The following OSBPL8 variants were observed in gnomAD, a reference collection of about 807,000 sequenced individuals.
OSBPL8 encodes oxysterol-binding protein-related protein 8.
OSBPL8 carries 59 observed loss-of-function variants against 125.5 expected under a neutral mutation model. The observed-to-expected ratio is 0.47, with a 90% CI of 0.38 to 0.58. The LOEUF (loss-of-function observed/expected upper bound fraction) is 0.58. Ranked by LOEUF, OSBPL8 falls within the 20% of genes least tolerant of loss-of-function variation. OSBPL8 has a pLI of 0.00. For missense variants in OSBPL8, 758 were observed against 1,047.8 expected, an observed-to-expected ratio of 0.72 and a Z score of 3.82; for synonymous variants, 330 against 338.9, an observed-to-expected ratio of 0.97 and a Z score of 0.29.
At chr12:76,528,388 C>T (rs1020527498) in intron 1 of OSBPL8, among the ~76,000 whole-genome samples, 1 of 150,514 alleles carries the variant, frequency 6.6e-6, no homozygotes, top group African/African-American at 2.4e-5. Context: ...TCATGATTCA[C>T]GAGCCATTTC....
chr12:76,450,392 G>A (rs900701227), intron 4 of OSBPL8, among the ~76,000 whole-genome samples: 12 of 152,000 alleles, frequency 7.9e-5, no homozygotes, highest in Admixed American at 1.3e-4. Context: ...GGGGAGTAGA[G>A]GGAAAGAAAA....
chr12:76,450,115 T>C (rs1873207172), intron 4 of OSBPL8, among the ~76,000 whole-genome samples: 1 of 152,156 alleles, frequency 6.6e-6, no homozygotes, highest in Non-Finnish European at 1.5e-5. Flanking sequence ...CAAAAAGCAG[T>C]TCTTAATCAT....
Position 76,394,735 on chromosome 12 carries a change from T to C in OSBPL8, c.673-6A>G. 6.2e-7 allele frequency: 1 copy of C among 1,601,676 alleles called. No homozygotes were observed. Among genetic ancestry groups the C allele is most frequent in the South Asian group, 1.1e-5 (1 of 89,872 alleles). ...ACCGCTTCACCTTTTGGACCCTTAA[T>C]AACAAAATAAACAAAATAAATGGTA... On this transcript the variant is annotated splice_region_variant and splice_polypyrimidine_tract_variant and intron_variant, in intron 8 of 23. Coordinates refer to ENST00000261183, the MANE Select transcript of OSBPL8 (RefSeq NM_020841.5).
At chr12:76,525,191 TC>T (rs543997804) in intron 1 of OSBPL8, among the ~76,000 whole-genome samples, 4 of 152,162 alleles carry the variant, frequency 2.6e-5, no homozygotes, top group Non-Finnish European at 5.9e-5. Context: ...TTTAAAAATT[TC>T]TCAGAATTAT....
intron 1 of OSBPL8, among the ~76,000 whole-genome samples, chr12:76,542,764 T>C (rs1950681594): frequency 6.6e-6 from 1 of 152,168 alleles, no homozygotes; most frequent in South Asian, 2.1e-4. Flanking sequence ...CCCTAATAGT[T>C]TTCAAGAGAC....
At chr12:76,372,485 C>T (rs1451490243) in intron 18 of OSBPL8, among the ~76,000 whole-genome samples, 1 of 152,232 alleles carries the variant, frequency 6.6e-6, no homozygotes, top group Admixed American at 6.5e-5. Flanking sequence ...CCCACCCAGA[C>T]AGAAATTTCA....
chr12:76,414,156 C>T (rs1020399860), intron 4 of OSBPL8, among the ~76,000 whole-genome samples: 2 of 152,088 alleles, frequency 1.3e-5, no homozygotes, highest in Non-Finnish European at 2.9e-5. Context: ...CACCATTTAT[C>T]GAAAAGAACT....
chr12:76,396,011 A>T (rs1272280405), intron 8 of OSBPL8, among the ~76,000 whole-genome samples: 2 of 150,674 alleles, frequency 1.3e-5, no homozygotes, highest in African/African-American at 4.9e-5. Context: ...ATATATATAC[A>T]TATATGTGTG....
chr12:76,394,893 A>G (rs1245368600), intron 8 of OSBPL8, among the ~76,000 whole-genome samples, 164 bp from the exon 9 acceptor site: 3 of 152,194 alleles, frequency 2.0e-5, no homozygotes, highest in Non-Finnish European at 4.4e-5. Context: ...AATGTTAAGT[A>G]TTAAGAAAAA....
chr12:76,446,260 A>AGGT (rs1319064040), intron 4 of OSBPL8, among the ~76,000 whole-genome samples: 5 of 152,300 alleles, frequency 3.3e-5, no homozygotes, highest in African/African-American at 1.2e-4. Flanking sequence ...GATACATCAG[A>AGGT]GGTTTTCTGG....
At chr12:76,358,104 A>C (rs970782760) in intron 22 of OSBPL8, among the ~76,000 whole-genome samples, 10 of 151,946 alleles carry the variant, frequency 6.6e-5, no homozygotes, top group Non-Finnish European at 1.5e-5. Flanking sequence ...TCTGAATTCA[A>C]TCTAGGGAAC....
At chr12:76,504,473 T>C (rs1311157626) in intron 1 of OSBPL8, among the ~76,000 whole-genome samples, 1 of 152,214 alleles carries the variant, frequency 6.6e-6, no homozygotes, top group Non-Finnish European at 1.5e-5. Flanking sequence ...GCAATGCATT[T>C]CCACAGTATT....
chr12:76,550,097 G>A (rs927761004), intron 1 of OSBPL8, among the ~76,000 whole-genome samples: 1 of 151,602 alleles, frequency 6.6e-6, no homozygotes, highest in Admixed American at 6.6e-5. Context: ...GTTGGGGTGT[G>A]GGGGGGCTGG....
intron 2 of OSBPL8, among the ~76,000 whole-genome samples, chr12:76,467,600 A>G (rs1200464867): frequency 1.3e-5 from 2 of 151,772 alleles, no homozygotes; most frequent in South Asian, 4.2e-4. Context: ...TTCCCCCAAC[A>G]TCTGATTAAA....
chr12:76,549,408 T>C (rs1950874614), intron 1 of OSBPL8, among the ~76,000 whole-genome samples: 1 of 152,220 alleles, frequency 6.6e-6, no homozygotes, highest in South Asian at 2.1e-4. Context: ...TGAATCAGAC[T>C]GATACATGAC....
At chr12:76,556,702 C>T (rs775018021) in intron 1 of OSBPL8, among the ~76,000 whole-genome samples, 40 of 152,138 alleles carry the variant, frequency 2.6e-4, no homozygotes, top group African/African-American at 5.1e-4. Context: ...CTTGCTCTAT[C>T]GCCCAGGCTG....
At chr12:76,459,673 A>G (rs1484336110) in intron 3 of OSBPL8, among the ~76,000 whole-genome samples, 186 bp downstream of exon 3, 1 of 152,232 alleles carries the variant, frequency 6.6e-6, no homozygotes, top group Non-Finnish European at 1.5e-5. Context: ...CAGATGGACA[A>G]TGAGAACAGA....
intron 4 of OSBPL8, among the ~76,000 whole-genome samples, chr12:76,447,718 G>T (rs530671955): frequency 6.6e-6 from 1 of 152,148 alleles, no homozygotes; most frequent in African/African-American, 2.4e-5. Context: ...TAATTTTTTT[G>T]TATTTTTAAG....
intron 4 of OSBPL8, among the ~76,000 whole-genome samples, chr12:76,447,590 C>T (rs1872857074): frequency 1.3e-5 from 2 of 151,992 alleles, no homozygotes; most frequent in African/African-American, 4.8e-5. Flanking sequence ...ATTGCCCAGG[C>T]TGGAGTGCAA....
Sources: gnomAD v4.1 joint callset for allele counts (sites outside exome capture counted in the v4.1 genomes callset) on GRCh38, gnomAD v4.1.1 for gene constraint, MANE v1.5 for transcripts, NCBI Gene and HGNC (gene_info 2026-07-23, HGNC 2026-07-21) for gene names.